PDE1C: variants seen among roughly 807,000 people sequenced by gnomAD.
The protein encoded by PDE1C is dual specificity calcium/calmodulin-dependent 3',5'-cyclic nucleotide phosphodiesterase 1C.
In PDE1C, 62 loss-of-function variants were observed where a neutral mutation model predicts 93.1. That is an observed-to-expected ratio of 0.67 (90% confidence interval 0.54 to 0.82). PDE1C has a LOEUF of 0.82. Among genes scored for constraint, PDE1C ranks in the 40% least tolerant of loss-of-function variants. The pLI, the probability that PDE1C is intolerant of heterozygous loss-of-function variation, is 0.00. For synonymous variants in PDE1C, 325 were observed against 310.1 expected, an observed-to-expected ratio of 1.05 and a Z score of -0.50; for missense variants, 742 against 884.6, an observed-to-expected ratio of 0.84 and a Z score of 2.04.
At chr7:31,998,248 T>C (rs760410667) in intron 2 of PDE1C, among the ~76,000 whole-genome samples, 12 of 152,148 alleles carry the variant, frequency 7.9e-5, no homozygotes, top group Non-Finnish European at 1.5e-4. Flanking sequence ...CTCGATCTCC[T>C]GACCTCGTGA....
chr7:32,423,529 G>A (rs1785473824), intron 1 of PDE1C, among the ~76,000 whole-genome samples: 1 of 152,194 alleles, frequency 6.6e-6, no homozygotes, highest in Admixed American at 6.5e-5. Flanking sequence ...GAATCACCTG[G>A]GAAATTTGGT....
At chr7:32,142,391 GAT>G (rs1800591765) in intron 3 of PDE1C, among the ~76,000 whole-genome samples, 1 of 152,150 alleles carries the variant, frequency 6.6e-6, no homozygotes, top group Non-Finnish European at 1.5e-5. Context: ...CCTGCAGCCT[GAT>G]ATGTTTGGGG....
rs534700726 is a variant in PDE1C at position 32,038,844 on chromosome 7, C to T, written c.128+12710G>A. ...AATTTAAGAAACATTTCTTTCTATTCAAAATAATGATGCTAAATGGGAAGC... is the reference window on the plus strand; with the variant it reads ...AATTTAAGAAACATTTCTTTCTATTTAAAATAATGATGCTAAATGGGAAGC... On this transcript the variant is annotated intron_variant, in intron 2 of 17. Coordinates refer to ENST00000396191, the MANE Select transcript of PDE1C (RefSeq NM_001191057.4). 2.6e-5 allele frequency among the ~76,000 whole-genome samples: 4 copies of T among 152,212 alleles called. No homozygotes were observed. In the East Asian group the frequency reaches 7.7e-4, roughly 29 times the overall value.
rs567678455 is a variant in PDE1C, at chr7:31,820,372, A to T, written c.1582+2701T>A. On this transcript the variant is annotated intron_variant, in intron 14 of 17. Transcript: ENST00000396191. Reference sequence around the variant, plus strand: ...AGTCTTACACCAGAAAATAAATGTTAAAAAAAAGTACTAAATACTGAATGG... The same window carrying T: ...AGTCTTACACCAGAAAATAAATGTTTAAAAAAAGTACTAAATACTGAATGG... Among the ~76,000 whole-genome samples the T allele has an allele frequency of 3.9e-5, 6 of 152,048 alleles. No individual in the cohort carries two copies. The South Asian group carries it at 8.3e-4, about 21-fold the overall frequency.
chr7:31,783,714 T>G (rs1783633912), intron 16 of PDE1C: 1 of 152,160 alleles, frequency 6.6e-6, no homozygotes, highest in Non-Finnish European at 1.5e-5. Context: ...CATGAATCCT[T>G]ATGATTTAAT....
chr7:32,048,572 G>T (rs1211781898), intron 2 of PDE1C, among the ~76,000 whole-genome samples: 1 of 152,078 alleles, frequency 6.6e-6, no homozygotes, highest in Non-Finnish European at 1.5e-5. Context: ...CCTAACGTGA[G>T]CAAAGATACT....
chr7:31,775,618 C>A, intron 17 of PDE1C, 46 bp downstream of exon 17: 1 of 1,520,050 alleles, frequency 6.6e-7, no homozygotes, highest in South Asian at 1.1e-5. Context: ...CAGGCCTTTC[C>A]ATTGTCTGTG....
the PDE1C span, among the ~76,000 whole-genome samples, chr7:31,712,034 G>A: frequency 2.6e-5 from 4 of 152,180 alleles, no homozygotes; most frequent in Admixed American, 2.0e-4. Context: ...CTTTCTCGAG[G>A]AGAAACTCTT....
chr7:31,701,176 T>C, the PDE1C span, among the ~76,000 whole-genome samples: 1 of 152,188 alleles, frequency 6.6e-6, no homozygotes, highest in Non-Finnish European at 1.5e-5. Flanking sequence ...CAATTTGGTA[T>C]TCTAGATGCC....
intron 3 of PDE1C, among the ~76,000 whole-genome samples, chr7:32,156,097 T>A (rs1801556480): frequency 6.6e-6 from 1 of 152,214 alleles, no homozygotes; most frequent in African/African-American, 2.4e-5. Context: ...TAAGGCCAGA[T>A]AAAAGACATT....
intron 1 of PDE1C, among the ~76,000 whole-genome samples, chr7:32,218,343 T>C (rs1429317883): frequency 6.6e-6 from 1 of 152,246 alleles, no homozygotes; most frequent in Non-Finnish European, 1.5e-5. Context: ...TAATTTGTAG[T>C]TGATGATGCA....
intron 1 of PDE1C, among the ~76,000 whole-genome samples, chr7:32,310,495 C>G (rs36199865): frequency 0.12 from 18,901 of 151,978 alleles, 1,293 homozygotes; most frequent in East Asian, 0.18. Context: ...TGACCACATA[C>G]TTGGAAGTAA....
intron 1 of PDE1C, among the ~76,000 whole-genome samples, chr7:32,340,772 A>G (rs1343924743): frequency 6.6e-6 from 1 of 152,256 alleles, no homozygotes; most frequent in Non-Finnish European, 1.5e-5. Context: ...TTCCAACAGT[A>G]TGACATTCTA....
At chr7:32,401,545 A>AAAAG (rs1176968891) in intron 1 of PDE1C, among the ~76,000 whole-genome samples, 2 of 152,068 alleles carry the variant, frequency 1.3e-5, no homozygotes, top group African/African-American at 2.4e-5. Context: ...TCAAAAAAAA[A>AAAAG]AAAGAAAGAA....
At chr7:32,269,444 T>G (rs897778472) in intron 1 of PDE1C, among the ~76,000 whole-genome samples, 2 of 126,828 alleles carry the variant, frequency 1.6e-5, no homozygotes, top group African/African-American at 5.3e-5. Context: ...ATATATTTTT[T>G]TGATGTTTTT....
At chr7:32,046,307 T>C (rs1792559260) in intron 2 of PDE1C, among the ~76,000 whole-genome samples, 1 of 152,054 alleles carries the variant, frequency 6.6e-6, no homozygotes, top group Non-Finnish European at 1.5e-5. Flanking sequence ...TTCTGGGCTA[T>C]CCTATTAGAC....
the PDE1C span, among the ~76,000 whole-genome samples, chr7:31,712,901 C>T: frequency 6.6e-6 from 1 of 152,112 alleles, no homozygotes; most frequent in Non-Finnish European, 1.5e-5. Context: ...AGACCTGTCC[C>T]CAAGATTCAA....
intron 2 of PDE1C, among the ~76,000 whole-genome samples, chr7:32,037,135 C>G (rs1429094121): frequency 6.6e-6 from 1 of 152,144 alleles, no homozygotes; most frequent in African/African-American, 2.4e-5. Flanking sequence ...AATCTCTACT[C>G]TTTTATGGAA....
At chr7:32,035,959 A>G (rs1246850458) in intron 2 of PDE1C, among the ~76,000 whole-genome samples, 1 of 152,144 alleles carries the variant, frequency 6.6e-6, no homozygotes, top group East Asian at 1.9e-4. Context: ...TTGGATAATG[A>G]ACAAGAAGGA....
Sources: allele counts gnomAD v4.1 joint callset (sites outside exome capture counted in the v4.1 genomes callset), GRCh38; gene constraint gnomAD v4.1.1; transcripts MANE v1.5; gene names NCBI Gene and HGNC (gene_info 2026-07-23, HGNC 2026-07-21).